The following PPFIBP1 variants were observed in gnomAD, a reference collection of about 807,000 sequenced individuals.
The protein encoded by PPFIBP1 is liprin-beta-1.
In PPFIBP1, 112 loss-of-function variants were observed where a neutral mutation model predicts 137.8. The observed-to-expected ratio is 0.81, with a 90% CI of 0.70 to 0.95. The LOEUF is 0.95. Ranked by LOEUF, PPFIBP1 falls within the 40% of genes least tolerant of loss-of-function variation. The pLI is 0.00. For missense variants in PPFIBP1, 1,083 were observed against 1,196.6 expected (o/e 0.91, Z 1.40); for synonymous variants, 378 against 417.3 (o/e 0.91, Z 1.15).
At chr12:27,567,196 C>A (rs1324957899) in intron 1 of PPFIBP1, among the ~76,000 whole-genome samples, 1 of 152,066 alleles carries the variant, frequency 6.6e-6, no homozygotes, top group Non-Finnish European at 1.5e-5. Flanking sequence ...TCTACAGGCC[C>A]AATAACTCAG....
rs187962426 is a variant in PPFIBP1, at chr12:27,592,315, C to T, written c.-36+14076C>T. 23 of 563,770 alleles carry T rather than the reference C, an allele frequency of 4.1e-5. No individual in the cohort carries two copies. The East Asian group carries it at 6.7e-4, about 17-fold the overall frequency. 34.9% of individuals were successfully genotyped at this position (563,770 alleles called of 1,614,324 possible). On this transcript the variant is annotated intron_variant, in intron 2 of 29. Transcript: ENST00000228425. ...CAGCACATATGCTTTCAATGTGAGT[C>T]AAGATGGTGTGCTGGAAGAGGAAGA...
At chr12:27,606,338 GT>G (rs66943464) in intron 2 of PPFIBP1, among the ~76,000 whole-genome samples, 133,543 of 152,156 alleles carry the variant, frequency 0.88, 58,700 homozygotes, top group Middle Eastern at 0.95. Flanking sequence ...GGGAGGATGA[GT>G]TCTCATGTAC....
At chr12:27,542,951 A>G (rs925353589) in intron 1 of PPFIBP1, among the ~76,000 whole-genome samples, 1 of 152,208 alleles carries the variant, frequency 6.6e-6, no homozygotes, top group Non-Finnish European at 1.5e-5. Context: ...GGCTTCATAA[A>G]CATTCAGGTA....
intron 21 of PPFIBP1, among the ~76,000 whole-genome samples, chr12:27,680,540 G>A (rs2060816113): frequency 6.6e-6 from 1 of 151,974 alleles, no homozygotes; most frequent in South Asian, 2.1e-4. Context: ...TGACCATGAA[G>A]GTTAAATAAG....
intron 1 of PPFIBP1, among the ~76,000 whole-genome samples, chr12:27,574,274 C>T (rs141096864): frequency 6.6e-6 from 1 of 152,184 alleles, no homozygotes; most frequent in African/African-American, 2.4e-5. Context: ...ACAATCTTTC[C>T]GTAAAGTCTG....
At chr12:27,610,899 T>G (rs1337596699) in intron 2 of PPFIBP1, among the ~76,000 whole-genome samples, 7 of 151,932 alleles carry the variant, frequency 4.6e-5, no homozygotes, top group African/African-American at 1.7e-4. Flanking sequence ...TTTTTTTTTG[T>G]ATCTATGGAA....
intron 2 of PPFIBP1, among the ~76,000 whole-genome samples, chr12:27,607,521 G>A (rs1186074892): frequency 6.6e-6 from 1 of 152,174 alleles, no homozygotes; most frequent in East Asian, 1.9e-4. Context: ...ATCACCTGGA[G>A]GACTTGTTAA....
At chr12:27,613,815 C>T (rs2138256918) in intron 2 of PPFIBP1, among the ~76,000 whole-genome samples, 1 of 152,210 alleles carries the variant, frequency 6.6e-6, no homozygotes, top group Admixed American at 6.5e-5. Context: ...AGCTCTCCAG[C>T]ACGAGGGACT....
At chr12:27,655,996 G>T (rs1464246901) in intron 8 of PPFIBP1, among the ~76,000 whole-genome samples, 2 of 152,210 alleles carry the variant, frequency 1.3e-5, no homozygotes, top group African/African-American at 2.4e-5. Context: ...ATACACAGTT[G>T]TATAGTTAAA....
rs1394362971 is a variant in PPFIBP1, at chr12:27,656,622, C to T, written c.703C>T (p.Leu235=). 3 of 1,595,534 alleles carry T rather than the reference C, an allele frequency of 1.9e-6. No individual in the cohort carries two copies. In the Admixed American group the frequency reaches 5.0e-5, roughly 27 times the overall value. The change falls in exon 9 of 30, where the codon CTG becomes TTG. Residue 235 remains leucine (L), a synonymous_variant. Coordinates refer to ENST00000228425, the MANE Select transcript of PPFIBP1 (RefSeq NM_003622.4). ...ATGAATTTGTAACTTGTAGGATGAACTGGCATCTTTAAAAGAACAACTAGA... is the reference window on the plus strand; with the variant it reads ...ATGAATTTGTAACTTGTAGGATGAATTGGCATCTTTAAAAGAACAACTAGA... ...EKKLKSTKDE[L]ASLKEQLEEK... is the part of the protein sequence containing the mutation.
chr12:27,641,070 G>A (rs1210304009), intron 4 of PPFIBP1, among the ~76,000 whole-genome samples: 2 of 152,148 alleles, frequency 1.3e-5, no homozygotes, highest in African/African-American at 2.4e-5. Flanking sequence ...TTAAAAATAA[G>A]TATAATGACT....
intron 13 of PPFIBP1, among the ~76,000 whole-genome samples, chr12:27,668,346 T>C (rs1445925179): frequency 6.6e-6 from 1 of 152,102 alleles, no homozygotes; most frequent in African/African-American, 2.4e-5. Context: ...ACCCATACGA[T>C]GGTTGGATAG....
rs776862185 is a variant in PPFIBP1 at position 27,688,392 on chromosome 12, T to C, written c.2465T>C (p.Leu822Pro). ...SVDLAEYAPN[L>P]RGSGVHGGLM... Reference sequence around the variant, plus strand: ...GACTTGGCAGAATATGCGCCCAATCTCAGAGGCAGTGGTGTCCATGGTGGG... The same window carrying C: ...GACTTGGCAGAATATGCGCCCAATCCCAGAGGCAGTGGTGTCCATGGTGGG... The change falls in exon 26 of 30, where the codon CTC (leucine) becomes CCC (proline). Residue 822 changes from leucine to proline, a missense_variant. By Grantham distance (98) the Leu-to-Pro change is moderately conservative. Transcript: ENST00000228425. 6.2e-7 allele frequency: 1 copy of C among 1,614,124 alleles called. No homozygotes were observed. Among genetic ancestry groups the C allele is most frequent in the South Asian group, 1.1e-5 (1 of 91,074 alleles).
At chr12:27,678,856 C>CAAAAAAAA (rs60834907) in intron 19 of PPFIBP1, among the ~76,000 whole-genome samples, 12 of 98,964 alleles carry the variant, frequency 1.2e-4, no homozygotes, top group African/African-American at 4.6e-4. Context: ...GACTCTGTCT[C>CAAAAAAAA]AAAAAAAAAA....
At chr12:27,588,131 G>A (rs2052015090) in intron 2 of PPFIBP1, among the ~76,000 whole-genome samples, 1 of 152,222 alleles carries the variant, frequency 6.6e-6, no homozygotes, top group Admixed American at 6.5e-5. Flanking sequence ...TTGCTAGCAA[G>A]TGTACATTGC....
Position 27,676,617 on chromosome 12 carries a change from G to C in PPFIBP1, c.1582+18G>C, listed in dbSNP as rs1051452331. 1.3e-6 allele frequency: 2 copies of C among 1,536,734 alleles called. No individual in the cohort carries two copies. Among genetic ancestry groups the C allele is most frequent in the Non-Finnish European group, 1.8e-6 (2 of 1,136,498 alleles). Reference sequence around the variant, plus strand: ...AAACTTAGGTACGTATGACCAAAATGCCTTTGCCCTAATTCTTCCACAAGG... The same window carrying C: ...AAACTTAGGTACGTATGACCAAAATCCCTTTGCCCTAATTCTTCCACAAGG... On this transcript the variant is annotated intron_variant, in intron 18 of 29. Transcript: ENST00000228425.
intron 1 of PPFIBP1, among the ~76,000 whole-genome samples, chr12:27,554,296 C>T (rs933121034): frequency 1.3e-5 from 2 of 152,332 alleles, no homozygotes; most frequent in Non-Finnish European, 2.9e-5. Flanking sequence ...CTGTTCCCTC[C>T]ATTTAAAACA....
At chr12:27,535,574 T>A (rs1944905388) in intron 1 of PPFIBP1, among the ~76,000 whole-genome samples, 1 of 152,270 alleles carries the variant, frequency 6.6e-6, no homozygotes, top group East Asian at 1.9e-4. Context: ...CTGGCAATTT[T>A]TTTTTGTAGA....
intron 2 of PPFIBP1, among the ~76,000 whole-genome samples, chr12:27,605,202 T>A (rs554419652): frequency 2.2e-4 from 33 of 152,294 alleles, no homozygotes; most frequent in Middle Eastern, 3.4e-3. Context: ...TAGTCAAGGC[T>A]TTGAAAAATC....
Sources: gnomAD v4.1 joint callset for allele counts (sites outside exome capture counted in the v4.1 genomes callset) on GRCh38, gnomAD v4.1.1 for gene constraint, MANE v1.5 for transcripts, NCBI Gene and HGNC (gene_info 2026-07-23, HGNC 2026-07-21) for gene names.